Variants in FATE1 observed in about 807,000 individuals in gnomAD.
FATE1 encodes fetal and adult testis-expressed transcript protein.
Under a neutral mutation model 16.0 loss-of-function variants are expected in FATE1, and 18 were observed. The observed-to-expected ratio is 1.12, with a 90% confidence interval of 0.78 to 1.66. FATE1 has a LOEUF of 1.66. FATE1 is among the 40% of genes most tolerant of loss of function. The pLI is 0.00. For synonymous variants in FATE1, 76 were observed against 56.9 expected, an observed-to-expected ratio of 1.34 and a Z score of -1.51; for missense variants, 169 against 152.7, an observed-to-expected ratio of 1.11 and a Z score of -0.56.
rs1441068460 is a variant in FATE1 at position 151,721,339 on chromosome X, AG to A, written c.235-55del. 1.4e-5 allele frequency: 15 copies of A among 1,073,156 alleles called. No homozygotes were observed. In the Admixed American group the frequency reaches 1.5e-4, roughly 11 times the overall value. The allele number at this position is 1,073,156 out of a possible 1,213,427, so 88.4% of individuals were successfully genotyped here. A position where few individuals can be genotyped will look rare whatever the true frequency, so the allele number is the denominator to read the frequency against. Reference sequence around the variant, plus strand: ...GCACCATTGGCTCTGGGCAAACTGGAGAAGCCACTCATGTGGGGTTGGGCAG... The same window carrying A: ...GCACCATTGGCTCTGGGCAAACTGGAAAGCCACTCATGTGGGGTTGGGCAG... On this transcript the variant is annotated intron_variant, in intron 2 of 4. Transcript: ENST00000370350.
chrX:151,723,044 CAA>C lies in FATE1; in HGVS notation c.*286_*287del. Reference sequence around the variant, plus strand: ...TGGGCCCCACAGTAACACCTAGTGGCAACCTTGCCTTCCTGACCTCAGCGGCC... The same window carrying C: ...TGGGCCCCACAGTAACACCTAGTGGCCCTTGCCTTCCTGACCTCAGCGGCC... On this transcript the variant is annotated 3_prime_UTR_variant, in exon 5 of 5. Coordinates refer to ENST00000370350, the MANE Select transcript of FATE1 (RefSeq NM_033085.3). 1 of 306,095 alleles carries C rather than the reference CAA, an allele frequency of 3.3e-6. No individual in the cohort carries two copies. The highest frequency in any genetic ancestry group is 5.7e-6 in the Non-Finnish European group (1 of 174,799). 25.2% of individuals were successfully genotyped at this position (306,095 alleles called of 1,213,427 possible).
chrX:151,717,227 T>C lies in FATE1; in HGVS notation c.107-45T>C, dbSNP rs766572542. 5 of 1,175,516 alleles carry C rather than the reference T, an allele frequency of 4.3e-6. No individual in the cohort carries two copies. The Admixed American group carries it at 9.2e-5, about 22-fold the overall frequency. ...GTGTTTTGTGCCCAAGAAACCCTGG[T>C]GCAACTTCTATGGGTGCTCCTGGAG... On this transcript the variant is annotated intron_variant, in intron 1 of 4. Transcript: ENST00000370350.
In FATE1 at chrX:151,718,814, T is replaced by C. The variant is rs146185004; in HGVS notation, c.234+1415T>C. Among the ~76,000 whole-genome samples, 24 of 110,573 alleles carry C rather than the reference T, an allele frequency of 2.2e-4. No individual in the cohort carries two copies. The East Asian group carries it at 6.9e-3, about 32-fold the overall frequency. Reference sequence around the variant, plus strand: ...GGAAAATTTTAGAAAATGGTGGCTTTACTGTTACCACAGTGAAGTTTGAAA... The same window carrying C: ...GGAAAATTTTAGAAAATGGTGGCTTCACTGTTACCACAGTGAAGTTTGAAA... On this transcript the variant is annotated intron_variant, in intron 2 of 4. Coordinates refer to ENST00000370350, the MANE Select transcript of FATE1 (RefSeq NM_033085.3).
At chrX:151,718,119 AGG>A in intron 2 of FATE1, among the ~76,000 whole-genome samples, 1 of 37,519 alleles carries the variant, frequency 2.7e-5, no homozygotes, top group Non-Finnish European at 5.0e-5. Flanking sequence ...AGAGGAAGGA[AGG>A]AAGGAAGGAA....
rs1273646009 is a variant in FATE1, at chrX:151,722,820, T to C, written c.*61T>C. On this transcript the variant is annotated 3_prime_UTR_variant, in exon 5 of 5. Transcript: ENST00000370350. Reference sequence around the variant, plus strand: ...TGCTTCCCCTTCTTTCTTTCCTCTTTCCCCAGGCCGCCACTGCCCTTGCCC... The same window carrying C: ...TGCTTCCCCTTCTTTCTTTCCTCTTCCCCCAGGCCGCCACTGCCCTTGCCC... 3.5e-6 allele frequency: 4 copies of C among 1,148,300 alleles called. No homozygotes were observed. The highest frequency in any genetic ancestry group is 2.3e-6 in the Non-Finnish European group (2 of 858,857). The allele number at this position is 1,148,300 out of a possible 1,213,427, so 94.6% of individuals were successfully genotyped here. A position where few individuals can be genotyped will look rare whatever the true frequency, so the allele number is the denominator to read the frequency against.
intron 2 of FATE1, among the ~76,000 whole-genome samples, chrX:151,720,682 A>G (rs1387899518): frequency 8.9e-6 from 1 of 112,167 alleles, no homozygotes; most frequent in Non-Finnish European, 1.9e-5. Context: ...AGAGGATGGC[A>G]TGGTCCCTGG....
rs771180411 is a variant in FATE1 at position 151,722,509 on chromosome X, C to T, written c.421-119C>T. 8 of 1,072,959 alleles carry T rather than the reference C, an allele frequency of 7.5e-6. No homozygotes were observed. The South Asian group carries it at 1.6e-4, about 22-fold the overall frequency. 88.4% of individuals were successfully genotyped at this position (1,072,959 alleles called of 1,213,427 possible). ...CTTCTCACTAGGGGCGCTCCCCGCT[C>T]CACCGCCAAAGGGCAATCAAGCCCC... is the stretch of plus-strand genomic sequence containing the variant. On this transcript the variant is annotated intron_variant, in intron 4 of 4. Coordinates refer to ENST00000370350, the MANE Select transcript of FATE1 (RefSeq NM_033085.3).
intron 2 of FATE1, among the ~76,000 whole-genome samples, chrX:151,718,158 A>G (rs1602998131): frequency 1.1e-5 from 1 of 92,240 alleles, no homozygotes; most frequent in African/African-American, 4.5e-5. Context: ...GGAAGGAAGG[A>G]AGGAAGGAAG....
At position 151,721,486 on chromosome X, in the gene FATE1, G is replaced by A. The variant is rs138889158; in HGVS notation, c.326G>A (p.Arg109His). Reference protein sequence around the residue: ...QEYAGNFQGIRFHYDRNPGTD... With the variant: ...QEYAGNFQGIHFHYDRNPGTD... Reference sequence around the variant, plus strand: ...TACGCTGGCAATTTCCAAGGCATACGTTTCCATTATGATCGGTAAGAGCTG... The same window carrying A: ...TACGCTGGCAATTTCCAAGGCATACATTTCCATTATGATCGGTAAGAGCTG... Residue 109 changes from arginine (R) to histidine (H), a missense_variant, in exon 3 of 5, where the codon CGT (arginine) becomes CAT (histidine). Arg to His is a conservative substitution (Grantham distance 29). Transcript: ENST00000370350. 470 of 1,209,014 alleles carry A rather than the reference G, an allele frequency of 3.9e-4. 2 individuals carry two copies. The highest frequency in any genetic ancestry group is 2.6e-3 in the South Asian group (148 of 56,822).
Position 151,722,672 on chromosome X carries a change from C to A in FATE1, c.465C>A (p.Gly155=), listed in dbSNP as rs1218459241. 8.3e-7 allele frequency: 1 copy of A among 1,210,924 alleles called. No individual in the cohort carries two copies. The highest frequency in any genetic ancestry group is 2.2e-5 in the Admixed American group (1 of 46,084). ...GTCTGCGCGCCCTGGAGGAACAGGG[C>A]GCCACCTGGCGCCACAGGGAGACCC... The part of the protein sequence containing the change: ...NRRLRALEEQ[G]ATWRHRETLI... The change falls in exon 5 of 5, where the codon GGC becomes GGA. Residue 155 remains glycine (G), a synonymous_variant. Coordinates refer to ENST00000370350, the MANE Select transcript of FATE1 (RefSeq NM_033085.3).
intron 2 of FATE1, among the ~76,000 whole-genome samples, chrX:151,720,861 G>A (rs2015109299): frequency 8.9e-6 from 1 of 112,263 alleles, no homozygotes; most frequent in Non-Finnish European, 1.9e-5. Flanking sequence ...AGGGCTCTGG[G>A]CCAGAGATGT....
At chrX:151,718,599 A>C (rs1210633349) in intron 2 of FATE1, among the ~76,000 whole-genome samples, 3 of 112,149 alleles carry the variant, frequency 2.7e-5, no homozygotes, top group Non-Finnish European at 5.6e-5. Flanking sequence ...CCAGGAAATC[A>C]TGTGAGTCCC....
At chrX:151,716,334 C>T (rs903489198) in intron 1 of FATE1, 109 bp downstream of exon 1, 1 of 651,898 alleles carries the variant, frequency 1.5e-6, no homozygotes, top group South Asian at 3.8e-5. Flanking sequence ...GAAGTGTTTG[C>T]ACATCTGTGT....
intron 4 of FATE1, among the ~76,000 whole-genome samples, chrX:151,722,360 G>A (rs779360523): frequency 2.5e-4 from 28 of 112,250 alleles, no homozygotes; most frequent in Non-Finnish European, 4.5e-4. Flanking sequence ...TTGGCTCCCC[G>A]GCGCAGCTGG....
rs746608394 is a variant in FATE1 at position 151,721,412 on chromosome X, G to A, written c.252G>A (p.Lys84=). 4.1e-6 allele frequency: 5 copies of A among 1,211,100 alleles called. No individual in the cohort carries two copies. The highest frequency in any genetic ancestry group is 4.5e-6 in the Non-Finnish European group (4 of 895,310). The change falls in exon 3 of 5, where the codon AAG becomes AAA. Residue 84 remains lysine, a synonymous_variant. Coordinates refer to ENST00000370350, the MANE Select transcript of FATE1 (RefSeq NM_033085.3). The stretch of plus-strand genomic sequence containing the variant: ...TTCTTCAGGGGTCCCAGCTGCCAAA[G>A]CCCAGAATGCTGAGAGAATCAGGCC... The part of the protein sequence containing the change: ...RPKKMGSQLP[K]PRMLRESGHG...
intron 2 of FATE1, among the ~76,000 whole-genome samples, chrX:151,720,250 G>C (rs1303994517): frequency 1.8e-5 from 2 of 111,212 alleles, no homozygotes; most frequent in African/African-American, 6.6e-5. Context: ...TGCTGCTGGC[G>C]GGGGCCTCCT....
In FATE1 at chrX:151,717,480, C is replaced by T; in HGVS notation, c.234+81C>T. 5 of 1,058,447 alleles carry T rather than the reference C, an allele frequency of 4.7e-6. No homozygotes were observed. In the African/African-American group the frequency reaches 5.6e-5, roughly 12 times the overall value. 87.2% of individuals were successfully genotyped at this position (1,058,447 alleles called of 1,213,427 possible). On this transcript the variant is annotated intron_variant, in intron 2 of 4. Coordinates refer to ENST00000370350, the MANE Select transcript of FATE1 (RefSeq NM_033085.3). ...TGTAGGGGCTCTAGCCTGACCAGGT[C>T]AGGCAGGGCTAGACGTTGACTTGTG... is the stretch of plus-strand genomic sequence containing the variant.
intron 2 of FATE1, among the ~76,000 whole-genome samples, chrX:151,720,772 G>T (rs781538094): frequency 1.8e-4 from 20 of 112,072 alleles, no homozygotes; most frequent in Non-Finnish European, 3.4e-4. Flanking sequence ...TTGAGCCCAG[G>T]CAGGTCTGGC....
chrX:151,720,685 G>C (rs1213972444), intron 2 of FATE1, among the ~76,000 whole-genome samples: 2 of 112,135 alleles, frequency 1.8e-5, no homozygotes, highest in Admixed American at 1.9e-4. Flanking sequence ...GGATGGCATG[G>C]TCCCTGGCAT....
Sources: allele counts gnomAD v4.1 joint callset (sites outside exome capture counted in the v4.1 genomes callset), GRCh38; gene constraint gnomAD v4.1.1; transcripts MANE v1.5; gene names NCBI Gene and HGNC (gene_info 2026-07-23, HGNC 2026-07-21).